Variants in LRRC38 observed in about 807,000 individuals in gnomAD.
LRRC38 encodes the protein leucine rich repeat containing 38, also known as leucine-rich repeat-containing protein 38.
In LRRC38, 5 loss-of-function variants were observed where a neutral mutation model predicts 16.4. That is an observed-to-expected ratio of 0.31 (90% CI 0.16 to 0.64). The LOEUF is 0.64. Among genes scored for constraint, LRRC38 ranks in the 30% least tolerant of loss-of-function variants. The pLI, the probability that LRRC38 is intolerant of heterozygous loss-of-function variation, is 0.80. For synonymous variants in LRRC38, 191 were observed against 190.2 expected (o/e 1.00, Z -0.04); for missense variants, 341 against 401.8 (o/e 0.85, Z 1.29).
intron 1 of LRRC38, among the ~76,000 whole-genome samples, chr1:13,480,853 A>G (rs539684286): frequency 2.6e-5 from 4 of 152,206 alleles, no homozygotes; most frequent in Non-Finnish European, 5.9e-5. Flanking sequence ...GCACGAGAAC[A>G]GACTAATACA....
chr1:13,481,820 T>C (rs61781239), intron 1 of LRRC38, among the ~76,000 whole-genome samples: 14,836 of 145,174 alleles, frequency 0.1, 970 homozygotes, highest in East Asian at 0.25. Flanking sequence ...TCTCTCTCTC[T>C]CTCTCTGCCA....
chr1:13,481,772 CCTCT>C (rs1359708055), intron 1 of LRRC38, among the ~76,000 whole-genome samples: 11 of 30,078 alleles, frequency 3.7e-4, no homozygotes, highest in Non-Finnish European at 5.6e-4. Context: ...CCTCTCTCTC[CCTCT>C]CTCCCTCTCT....
At chr1:13,508,269 T>C (rs983505718) in intron 1 of LRRC38, among the ~76,000 whole-genome samples, 14 of 152,160 alleles carry the variant, frequency 9.2e-5, no homozygotes, top group Non-Finnish European at 2.1e-4. Flanking sequence ...ACTTTCACCC[T>C]GTGTTTCCAC....
intron 1 of LRRC38, among the ~76,000 whole-genome samples, chr1:13,496,938 C>G (rs1639088029): frequency 6.6e-6 from 1 of 152,034 alleles, no homozygotes; most frequent in South Asian, 2.1e-4. Flanking sequence ...AGGGAGGGGC[C>G]AAGTCATGCT....
At chr1:13,485,750 G>C (rs531570648) in intron 1 of LRRC38, among the ~76,000 whole-genome samples, 9 of 152,300 alleles carry the variant, frequency 5.9e-5, no homozygotes, top group Non-Finnish European at 1.2e-4. Context: ...TGTCATTCAA[G>C]GGGGTTGCAT....
chr1:13,488,689 G>A (rs1638971965), intron 1 of LRRC38, among the ~76,000 whole-genome samples: 1 of 152,148 alleles, frequency 6.6e-6, no homozygotes, highest in Admixed American at 6.5e-5. Flanking sequence ...AATCTGATAA[G>A]CCATGAAAGG....
intron 1 of LRRC38, among the ~76,000 whole-genome samples, chr1:13,479,838 C>T (rs60842748): frequency 0.094 from 14,300 of 152,264 alleles, 852 homozygotes; most frequent in East Asian, 0.22. Context: ...CAGCACAACT[C>T]TAGACTTGGC....
intron 1 of LRRC38, among the ~76,000 whole-genome samples, chr1:13,492,698 C>T (rs558527248): frequency 6.6e-6 from 1 of 151,694 alleles, no homozygotes; most frequent in East Asian, 1.9e-4. Context: ...TGAGACTCCA[C>T]CTCAAAAAAG....
At chr1:13,481,757 CTT>C (rs1184177365) in intron 1 of LRRC38, among the ~76,000 whole-genome samples, 37 of 81,264 alleles carry the variant, frequency 4.6e-4, no homozygotes, top group African/African-American at 9.1e-4. Flanking sequence ...CTCTCACTTT[CTT>C]TCCCTCTCTC....
At chr1:13,500,384 A>G (rs1403341326) in intron 1 of LRRC38, among the ~76,000 whole-genome samples, 2 of 152,234 alleles carry the variant, frequency 1.3e-5, no homozygotes, top group Non-Finnish European at 2.9e-5. Flanking sequence ...CTCTCTGCTC[A>G]TATGAGATGA....
chr1:13,509,337 C>A (rs1057146400), intron 1 of LRRC38, among the ~76,000 whole-genome samples: 2 of 152,136 alleles, frequency 1.3e-5, no homozygotes, highest in African/African-American at 4.8e-5. Flanking sequence ...ACCTTGACAG[C>A]TGCAAGTGCC....
chr1:13,483,243 C>A (rs937241047), intron 1 of LRRC38, among the ~76,000 whole-genome samples: 2 of 151,448 alleles, frequency 1.3e-5, no homozygotes, highest in African/African-American at 4.9e-5. Context: ...CCTCTGCCTC[C>A]CAGGCTCAAG....
At chr1:13,481,769 C>T (rs1419369747) in intron 1 of LRRC38, among the ~76,000 whole-genome samples, 2 of 27,700 alleles carry the variant, frequency 7.2e-5, no homozygotes, top group East Asian at 2.9e-3. Context: ...TTCCCTCTCT[C>T]TCCCTCTCTC....
At chr1:13,492,428 C>T (rs145945703) in intron 1 of LRRC38, among the ~76,000 whole-genome samples, 1,696 of 152,142 alleles carry the variant, frequency 0.011, 20 homozygotes, top group South Asian at 0.032. Context: ...TGGCCGGGTG[C>T]GGTGGCTTAC....
intron 1 of LRRC38, among the ~76,000 whole-genome samples, chr1:13,483,732 C>T (rs1638895913): frequency 6.6e-6 from 1 of 152,226 alleles, no homozygotes; most frequent in South Asian, 2.1e-4. Context: ...CGAGATGATA[C>T]TGTGAACATG....
chr1:13,479,839 T>C (rs1638830251), intron 1 of LRRC38, among the ~76,000 whole-genome samples: 1 of 152,238 alleles, frequency 6.6e-6, no homozygotes, highest in Non-Finnish European at 1.5e-5. Context: ...AGCACAACTC[T>C]AGACTTGGCA....
chr1:13,496,934 G>A (rs1392918620), intron 1 of LRRC38, among the ~76,000 whole-genome samples: 2 of 152,126 alleles, frequency 1.3e-5, no homozygotes, highest in Non-Finnish European at 2.9e-5. Flanking sequence ...CGGGAGGGAG[G>A]GGCCAAGTCA....
chr1:13,510,215 G>C (rs145571129), intron 1 of LRRC38, among the ~76,000 whole-genome samples: 2 of 152,144 alleles, frequency 1.3e-5, no homozygotes, highest in Non-Finnish European at 2.9e-5. Context: ...GGCCTGCCTA[G>C]AAAGCCCTGG....
In LRRC38 at chr1:13,513,618, G is replaced by C; in HGVS notation, c.-25C>G. ...TGGCCGGGGGGCCCGCGCCGGCCGC[G>C]GCGAGAAGGAAGCGGCTCTCGGAGC... is the stretch of plus-strand genomic sequence containing the variant. On this transcript the variant is annotated 5_prime_UTR_variant, in exon 1 of 2. Transcript: ENST00000376085. 9.4e-7 allele frequency: 1 copy of C among 1,065,696 alleles called. No individual in the cohort carries two copies. Among genetic ancestry groups the C allele is most frequent in the Non-Finnish European group, 1.1e-6 (1 of 883,736 alleles). 66.0% of individuals were successfully genotyped at this position (1,065,696 alleles called of 1,614,324 possible). A position where few individuals can be genotyped will look rare whatever the true frequency, so the allele number is the denominator to read the frequency against.
Sources: gnomAD v4.1 joint callset for allele counts (sites outside exome capture counted in the v4.1 genomes callset) on GRCh38, gnomAD v4.1.1 for gene constraint, MANE v1.5 for transcripts, NCBI Gene and HGNC (gene_info 2026-07-23, HGNC 2026-07-21) for gene names.